The following HDAC4 variants were observed in gnomAD, a reference collection of about 807,000 sequenced individuals.
HDAC4 encodes histone deacetylase A.
In HDAC4, 16 loss-of-function variants were observed where a neutral mutation model predicts 135.1. The observed-to-expected ratio is 0.12, with a 90% confidence interval of 0.08 to 0.18. HDAC4 has a LOEUF of 0.18. Among genes scored for constraint, HDAC4 ranks in the 10% least tolerant of loss-of-function variants. HDAC4 has a pLI of 1.00. For synonymous variants in HDAC4, 685 were observed against 653.4 expected, an observed-to-expected ratio of 1.05 and a Z score of -0.74; for missense variants, 1,143 against 1,511.8, an observed-to-expected ratio of 0.76 and a Z score of 4.05.
chr2:239,134,437 C>G lies in HDAC4; in HGVS notation c.1102G>C (p.Ala368Pro). The change falls in exon 11 of 27, where the codon GCG becomes CCG. Residue 368 changes from alanine (A) to proline (P), a missense_variant. Coordinates refer to ENST00000543185, the MANE Select transcript of HDAC4 (RefSeq NM_001378414.1). Reference sequence around the variant, plus strand: ...AGTCTCTCGGCGTCCTGCTGGCCCGCCGTGCCCTGGAAAGCACAGCCAGGA... The same window carrying G: ...AGTCTCTCGGCGTCCTGCTGGCCCGGCGTGCCCTGGAAAGCACAGCCAGGA... ...LPATGPSAGT[A>P]GQQDAERLTL... 6.2e-7 allele frequency: 1 copy of G among 1,613,540 alleles called. No homozygotes were observed. Among genetic ancestry groups the G allele is most frequent in the Non-Finnish European group, 8.5e-7 (1 of 1,179,816 alleles).
chr2:239,053,052 AAGACAG>A lies in HDAC4; in HGVS notation c.*39_*44del. The A allele has an allele frequency of 6.2e-7, 1 of 1,611,722 alleles. No homozygotes were observed. The highest frequency in any genetic ancestry group is 8.5e-7 in the Non-Finnish European group (1 of 1,177,744). ...CGGGAAAGTTTCTTGGCTGAGCTTC[AAGACAG>A]AGACAGACAGACAAGAGAACAGCAG... On this transcript the variant is annotated 3_prime_UTR_variant, in exon 27 of 27. Transcript: ENST00000543185.
At chr2:239,366,501 A>G (rs1306832563) in intron 1 of HDAC4, among the ~76,000 whole-genome samples, 1 of 152,268 alleles carries the variant, frequency 6.6e-6, no homozygotes, top group Non-Finnish European at 1.5e-5. Flanking sequence ...GAGTGGATAA[A>G]GATCCACATT....
At chr2:239,054,691 T>C in intron 25 of HDAC4, 58 bp downstream of exon 25, 1 of 1,046,188 alleles carries the variant, frequency 9.6e-7, no homozygotes, top group Non-Finnish European at 1.5e-6. Flanking sequence ...GGATGGGGTG[T>C]GGTGCAGTCC....
At chr2:239,304,873 C>T (rs2052487145) in intron 2 of HDAC4, among the ~76,000 whole-genome samples, 2 of 152,122 alleles carry the variant, frequency 1.3e-5, no homozygotes, top group Admixed American at 1.3e-4. Flanking sequence ...TATATACACA[C>T]ACATAGGAGA....
chr2:239,107,938 T>C, intron 15 of HDAC4, 112 bp downstream of exon 15: 1 of 1,370,292 alleles, frequency 7.3e-7, no homozygotes, highest in Non-Finnish European at 1.0e-6. Flanking sequence ...CCCGGGGCTG[T>C]AAGCCCAAAG....
chr2:239,219,948 A>G (rs150016728), intron 3 of HDAC4, among the ~76,000 whole-genome samples: 19 of 152,374 alleles, frequency 1.2e-4, no homozygotes, highest in African/African-American at 3.6e-4. Context: ...ACGGCAGAGC[A>G]AACACACAGG....
intron 6 of HDAC4, 94 bp from the exon 7 acceptor site, chr2:239,156,867 T>C: frequency 6.8e-7 from 1 of 1,477,832 alleles, no homozygotes; most frequent in Non-Finnish European, 9.4e-7. Flanking sequence ...ATCTTTCCCT[T>C]GAAACCTCAG....
intron 1 of HDAC4, among the ~76,000 whole-genome samples, chr2:239,386,408 AACC>A (rs1036741471): frequency 6.6e-6 from 1 of 152,160 alleles, no homozygotes; most frequent in Non-Finnish European, 1.5e-5. Flanking sequence ...CCACGGGAGG[AACC>A]ACATGACAGA....
At chr2:239,054,470 G>A (rs2031457207) in intron 25 of HDAC4, among the ~76,000 whole-genome samples, 1 of 152,138 alleles carries the variant, frequency 6.6e-6, no homozygotes, top group African/African-American at 2.4e-5. Context: ...TAGAGCAAGT[G>A]ACTCCACACT....
intron 2 of HDAC4, among the ~76,000 whole-genome samples, chr2:239,338,135 C>A (rs1692067186): frequency 6.6e-6 from 1 of 152,180 alleles, no homozygotes; most frequent in Admixed American, 6.5e-5. Context: ...CACAGAGAGA[C>A]AACTCCGCTC....
At chr2:239,094,706 C>T (rs1209816365) in intron 17 of HDAC4, 4 of 1,247,182 alleles carry the variant, frequency 3.2e-6, no homozygotes, top group African/African-American at 3.1e-5. Context: ...AGATTACTGC[C>T]ACAGACTTCG....
At chr2:239,159,238 A>C (rs1432082531) in intron 6 of HDAC4, among the ~76,000 whole-genome samples, 4 of 144,464 alleles carry the variant, frequency 2.8e-5, no homozygotes, top group African/African-American at 1.0e-4. Context: ...CACTTTTCAC[A>C]CCTGACGCTC....
Position 239,068,341 on chromosome 2 carries a change from C to T in HDAC4, c.2869+148G>A. ...GGCTCTCTGGGGCCTCCCAAATGGA[C>T]TGGTTCCCAGTACGGTCAGAACCTT... On this transcript the variant is annotated intron_variant, in intron 23 of 26. Transcript: ENST00000543185. The surrounding 1 kb of genome is among the most constrained non-coding windows in gnomAD (Gnocchi z 4.4). 2 of 646,330 alleles carry T rather than the reference C, an allele frequency of 3.1e-6. No homozygotes were observed. The highest frequency in any genetic ancestry group is 2.8e-6 in the Non-Finnish European group (1 of 360,978). 40.0% of individuals were successfully genotyped at this position (646,330 alleles called of 1,614,324 possible).
Position 239,164,042 on chromosome 2 carries a change from G to A in HDAC4, c.491-119C>T, listed in dbSNP as rs868268754. 17 of 1,250,416 alleles carry A rather than the reference G, an allele frequency of 1.4e-5. No individual in the cohort carries two copies. In the East Asian group the frequency reaches 1.9e-4, roughly 14 times the overall value. The allele number at this position is 1,250,416 out of a possible 1,614,324, so 77.5% of individuals were successfully genotyped here. A position where few individuals can be genotyped will look rare whatever the true frequency, so the allele number is the denominator to read the frequency against. On this transcript the variant is annotated intron_variant, in intron 5 of 26. Coordinates refer to ENST00000543185, the MANE Select transcript of HDAC4 (RefSeq NM_001378414.1). Reference sequence around the variant, plus strand: ...GGGGACGGCTATGCACCTTCAGGACGCTGTGGCCTCCTGAGCGCTTCCTCA... The same window carrying A: ...GGGGACGGCTATGCACCTTCAGGACACTGTGGCCTCCTGAGCGCTTCCTCA...
At chr2:239,382,719 C>CTT (rs1352658666) in intron 1 of HDAC4, among the ~76,000 whole-genome samples, 1 of 101,166 alleles carries the variant, frequency 9.9e-6, no homozygotes, top group African/African-American at 4.0e-5. Context: ...ACAGCTTACA[C>CTT]TTTCTTTTTC....
intron 7 of HDAC4, among the ~76,000 whole-genome samples, chr2:239,147,599 T>G (rs2041849352): frequency 6.6e-6 from 1 of 152,240 alleles, no homozygotes; most frequent in Non-Finnish European, 1.5e-5. Flanking sequence ...CTGCAGAAAC[T>G]GGATCCCACC....
At chr2:239,336,043 C>T (rs902886387) in intron 2 of HDAC4, among the ~76,000 whole-genome samples, 4 of 152,132 alleles carry the variant, frequency 2.6e-5, no homozygotes, top group African/African-American at 9.7e-5. Flanking sequence ...ATATTATATA[C>T]CCATTAAATG....
intron 8 of HDAC4, among the ~76,000 whole-genome samples, chr2:239,140,469 AT>A: frequency 6.6e-6 from 1 of 152,172 alleles, no homozygotes; most frequent in East Asian, 1.9e-4. Flanking sequence ...GTCTGCTGCT[AT>A]TTTGGGCACA....
At chr2:239,219,745 G>A (rs550146006) in intron 3 of HDAC4, among the ~76,000 whole-genome samples, 4 of 152,278 alleles carry the variant, frequency 2.6e-5, no homozygotes, top group African/African-American at 9.6e-5. Context: ...CGAGATATCG[G>A]TATCACAAAG....
Sources: allele counts gnomAD v4.1 joint callset (sites outside exome capture counted in the v4.1 genomes callset), GRCh38; gene constraint gnomAD v4.1.1; non-coding constraint Gnocchi (gnomAD v3.1); transcripts MANE v1.5; gene names NCBI Gene and HGNC (gene_info 2026-07-23, HGNC 2026-07-21).